TTF2: variants seen among roughly 807,000 people sequenced by gnomAD.
TTF2 encodes the protein RNA polymerase II termination factor.
In TTF2, 108 loss-of-function variants were observed where a neutral mutation model predicts 142.4. The ratio of observed to expected loss-of-function variants is 0.76; its 90% confidence interval spans 0.65 to 0.89. TTF2 has a LOEUF of 0.89. TTF2 is among the 40% of genes least tolerant of loss of function. TTF2 has a pLI of 0.00. For synonymous variants in TTF2, 483 were observed against 506.2 expected, an observed-to-expected ratio of 0.95 and a Z score of 0.61; for missense variants, 1,327 against 1,379.8, an observed-to-expected ratio of 0.96 and a Z score of 0.61.
rs80076283 is a variant in TTF2 at position 117,092,791 on chromosome 1, A to G, written c.2866A>G (p.Ser956Gly). ...GLVLSLEEQLSALTLSELRDS... is the reference protein window; with the variant it reads ...GLVLSLEEQLGALTLSELRDS... ...TGTCCTTTCCCTGGAAGAACAGCTCAGTGCTTTGACCTTGTCAGAACTCCG... is the reference window on the plus strand; with the variant it reads ...TGTCCTTTCCCTGGAAGAACAGCTCGGTGCTTTGACCTTGTCAGAACTCCG... Residue 956 changes from serine (S) to glycine (G), a missense_variant, in exon 18 of 23, where the codon AGT becomes GGT. Transcript: ENST00000369466. This position sits in a 1 kb window ranked among gnomAD's most constrained non-coding sequence, Gnocchi z 4.4. 0.02 allele frequency: 32,230 copies of G among 1,614,192 alleles called. 437 individuals carry two copies. The highest frequency in any genetic ancestry group is 0.023 in the Non-Finnish European group (27,533 of 1,180,018).
rs1570857116 is a variant in TTF2 at position 117,088,783 on chromosome 1, C to T, written c.2161-18C>T. 2 of 1,610,232 alleles carry T rather than the reference C, an allele frequency of 1.2e-6. No individual in the cohort carries two copies. Among genetic ancestry groups the T allele is most frequent in the Non-Finnish European group, 1.7e-6 (2 of 1,178,232 alleles). On this transcript the variant is annotated intron_variant, in intron 12 of 22. Coordinates refer to ENST00000369466, the MANE Select transcript of TTF2 (RefSeq NM_003594.4). Reference sequence around the variant, plus strand: ...ATTTTCCCATATTGTGGCTGGATTTCACTTGTGATTCTTCCAGGGCACCTC... The same window carrying T: ...ATTTTCCCATATTGTGGCTGGATTTTACTTGTGATTCTTCCAGGGCACCTC...
Sources: gnomAD v4.1 joint callset for allele counts on GRCh38, gnomAD v4.1.1 for gene constraint, Gnocchi (gnomAD v3.1) non-coding constraint, MANE v1.5 for transcripts, NCBI Gene and HGNC (gene_info 2026-07-23, HGNC 2026-07-21) for gene names.